Variants in PACRG observed in about 807,000 individuals in gnomAD.
The protein encoded by PACRG is parkin coregulated.
PACRG carries 29 observed loss-of-function variants against 29.7 expected under a neutral mutation model. The ratio of observed to expected loss-of-function variants is 0.98; its 90% confidence interval spans 0.73 to 1.33. The LOEUF (loss-of-function observed/expected upper bound fraction) is 1.33, where lower values mean the gene tolerates loss of function less well. PACRG is among the 40% of genes most tolerant of loss of function. The probability of loss-of-function intolerance (pLI) is 0.00; values close to 1 mark genes in which losing one functional copy is unlikely to be tolerated. For synonymous variants in PACRG, 116 were observed against 118.7 expected, an observed-to-expected ratio of 0.98 and a Z score of 0.15; for missense variants, 279 against 316.2, an observed-to-expected ratio of 0.88 and a Z score of 0.89.
chr6:163,033,976 A>T (rs1562850703), intron 2 of PACRG, among the ~76,000 whole-genome samples: 1 of 152,224 alleles, frequency 6.6e-6, no homozygotes. Context: ...GATTGGCTAC[A>T]GCTTAAGACT....
intron 2 of PACRG, among the ~76,000 whole-genome samples, chr6:162,995,403 C>T (rs1187683240): frequency 1.3e-5 from 2 of 152,038 alleles, no homozygotes; most frequent in Non-Finnish European, 2.9e-5. Flanking sequence ...ATTCCATGGG[C>T]GTAGGACCCT....
Position 162,820,235 on chromosome 6 carries a change from C to A in PACRG, c.291+5954C>A, listed in dbSNP as rs192023490. Among the ~76,000 whole-genome samples, 126 of 152,306 alleles carry A rather than the reference C, an allele frequency of 8.3e-4. No individual in the cohort carries two copies. The East Asian group carries it at 0.011, about 14-fold the overall frequency. On this transcript the variant is annotated intron_variant, in intron 2 of 4. Coordinates refer to ENST00000366888, the MANE Select transcript of PACRG (RefSeq NM_001080379.2). ...TAATTTCCACTGATGGTGTCTCAGA[C>A]AACACCTTTAATTATGTGTTGACTG...
intron 4 of PACRG, among the ~76,000 whole-genome samples, chr6:163,197,419 A>C (rs1031600004): frequency 9.8e-5 from 11 of 111,978 alleles, no homozygotes; most frequent in African/African-American, 2.3e-4. Flanking sequence ...ACTGGTGGCT[A>C]TTTTCTTTTC....
chr6:162,863,292 CAG>C (rs1438211784), intron 2 of PACRG, among the ~76,000 whole-genome samples: 1 of 152,174 alleles, frequency 6.6e-6, no homozygotes, highest in Non-Finnish European at 1.5e-5. Context: ...TTTGTAAAAC[CAG>C]AGAGTTGGGC....
chr6:163,209,193 G>A (rs766834005), intron 4 of PACRG, among the ~76,000 whole-genome samples: 2 of 152,216 alleles, frequency 1.3e-5, no homozygotes, highest in African/African-American at 2.4e-5. Context: ...ATCAGGAAAC[G>A]TGATGAGTGG....
At chr6:162,838,729 C>T (rs1001761804) in intron 2 of PACRG, among the ~76,000 whole-genome samples, 8 of 143,506 alleles carry the variant, frequency 5.6e-5, no homozygotes, top group Non-Finnish European at 9.2e-5. Flanking sequence ...TCTCCCAATG[C>T]TATCCCTCCC....
At chr6:162,742,879 T>C (rs1249782958) in intron 1 of PACRG, among the ~76,000 whole-genome samples, 1 of 152,162 alleles carries the variant, frequency 6.6e-6, no homozygotes, top group African/African-American at 2.4e-5. Flanking sequence ...TGAATACAGG[T>C]TCAAAGAAGA....
intron 2 of PACRG, among the ~76,000 whole-genome samples, chr6:162,886,433 C>T (rs903917468): frequency 6.6e-6 from 1 of 152,176 alleles, no homozygotes; most frequent in Non-Finnish European, 1.5e-5. Flanking sequence ...CTTATGTATC[C>T]TGTGGACTTG....
intron 2 of PACRG, among the ~76,000 whole-genome samples, chr6:162,965,619 A>T (rs1800961870): frequency 6.6e-6 from 1 of 152,210 alleles, no homozygotes; most frequent in Non-Finnish European, 1.5e-5. Context: ...AGGGGTTAAG[A>T]TTTAAACATG....
At chr6:163,043,704 G>T (rs1051308741) in intron 2 of PACRG, among the ~76,000 whole-genome samples, 1 of 152,198 alleles carries the variant, frequency 6.6e-6, no homozygotes, top group Non-Finnish European at 1.5e-5. Context: ...TTCCAGAACT[G>T]GCTGATGAAC....
At chr6:162,877,632 A>T (rs556517889) in intron 2 of PACRG, among the ~76,000 whole-genome samples, 2 of 152,126 alleles carry the variant, frequency 1.3e-5, no homozygotes, top group South Asian at 2.1e-4. Flanking sequence ...AAATAAAAAA[A>T]TGTTTAAGAA....
At chr6:163,173,871 G>A (rs931996591) in intron 4 of PACRG, among the ~76,000 whole-genome samples, 3 of 152,118 alleles carry the variant, frequency 2.0e-5, no homozygotes, top group Admixed American at 6.5e-5. Context: ...CAAAGGCATC[G>A]CTCTGTGCTC....
At chr6:163,177,197 C>G (rs1779403422) in intron 4 of PACRG, among the ~76,000 whole-genome samples, 1 of 152,166 alleles carries the variant, frequency 6.6e-6, no homozygotes, top group African/African-American at 2.4e-5. Flanking sequence ...ACACATACGG[C>G]CCAGGGAGAT....
chr6:163,161,306 A>G (rs1009556853), intron 4 of PACRG, among the ~76,000 whole-genome samples: 3 of 151,764 alleles, frequency 2.0e-5, no homozygotes, highest in African/African-American at 7.3e-5. Context: ...CCATATTTGC[A>G]TTCTTGATAA....
intron 4 of PACRG, among the ~76,000 whole-genome samples, chr6:163,153,656 T>A (rs1035964138): frequency 2.6e-5 from 4 of 152,092 alleles, no homozygotes; most frequent in African/African-American, 9.7e-5. Context: ...TTAAATACAA[T>A]GGAAGTCAAT....
intron 4 of PACRG, among the ~76,000 whole-genome samples, chr6:163,131,073 C>T (rs1816714563): frequency 6.6e-6 from 1 of 152,046 alleles, no homozygotes; most frequent in Admixed American, 6.6e-5. Flanking sequence ...TTTGGGAGGC[C>T]GAGGCGGGTG....
rs76204310 is a variant in PACRG at position 163,307,374 on chromosome 6, T to C, written c.614-7453T>C. On this transcript the variant is annotated intron_variant, in intron 4 of 4. Transcript: ENST00000366888. ...TCGAGTGCTTACTTCAAAGCTTTTA[T>C]CTTCAGAGGAAAGAAATCTTGTGAA... is the stretch of plus-strand genomic sequence containing the variant. 1.5e-3 allele frequency among the ~76,000 whole-genome samples: 228 copies of C among 152,340 alleles called. 2 individuals carry two copies. In the East Asian group the frequency reaches 0.041, roughly 27 times the overall value.
At chr6:162,733,170 C>T (rs1779905091) in intron 1 of PACRG, among the ~76,000 whole-genome samples, 1 of 152,152 alleles carries the variant, frequency 6.6e-6, no homozygotes, top group South Asian at 2.1e-4. Context: ...TGTCAAGAAG[C>T]TTATATTTTT....
chr6:162,866,903 C>T (rs1018787498), intron 2 of PACRG, among the ~76,000 whole-genome samples: 1 of 152,218 alleles, frequency 6.6e-6, no homozygotes, highest in African/African-American at 2.4e-5. Flanking sequence ...ATCAGTGCAT[C>T]AGGAAAGCCA....
Sources: allele counts gnomAD v4.1 joint callset (sites outside exome capture counted in the v4.1 genomes callset), GRCh38; gene constraint gnomAD v4.1.1; transcripts MANE v1.5; gene names NCBI Gene and HGNC (gene_info 2026-07-23, HGNC 2026-07-21).